Variants in LRRK2 observed in about 807,000 individuals in gnomAD.
LRRK2 encodes the protein leucine rich repeat kinase 2, also known as leucine-rich repeat serine/threonine-protein kinase 2.
Under a neutral mutation model 302.6 loss-of-function variants are expected in LRRK2, and 203 were observed. The ratio of observed to expected loss-of-function variants is 0.67; its 90% CI spans 0.60 to 0.75. LRRK2 has a LOEUF of 0.75. Among genes scored for constraint, LRRK2 ranks in the 30% least tolerant of loss-of-function variants. The pLI, the probability that LRRK2 is intolerant of heterozygous loss-of-function variation, is 0.00. For synonymous variants in LRRK2, 1,066 were observed against 1,031.9 expected, an observed-to-expected ratio of 1.03 and a Z score of -0.63; for missense variants, 2,830 against 2,951.0, an observed-to-expected ratio of 0.96 and a Z score of 0.95.
chr12:40,295,582 C>T lies in LRRK2; in HGVS notation c.3034C>T (p.His1012Tyr). 3.1e-6 allele frequency: 5 copies of T among 1,614,010 alleles called. No homozygotes were observed. Among genetic ancestry groups the T allele is most frequent in the Non-Finnish European group, 4.2e-6 (5 of 1,179,972 alleles). The change falls in exon 23 of 51, where the codon CAT (histidine) becomes TAT (tyrosine). Residue 1012 changes from histidine (H) to tyrosine (Y), a missense_variant. Transcript: ENST00000298910. Reference protein sequence around the residue: ...QKCCISVHLEHLEKLELHQNA... With the variant: ...QKCCISVHLEYLEKLELHQNA... The stretch of plus-strand genomic sequence containing the variant: ...ATGCTGTATAAGTGTTCATTTGGAG[C>T]ATCTTGAAAAGCTGGAGCTTCACCA...
At chr12:40,259,344 G>A in intron 12 of LRRK2, 136 bp from the exon 13 acceptor site, 1 of 1,059,080 alleles carries the variant, frequency 9.4e-7, no homozygotes. Context: ...TCATACTACT[G>A]ATTTCAAATG....
Position 40,364,870 on chromosome 12 carries a change from T to A in LRRK2, c.7210T>A (p.Ser2404Thr), listed in dbSNP as rs768451327. 3.1e-6 allele frequency: 5 copies of A among 1,612,008 alleles called. No homozygotes were observed. The South Asian group carries it at 5.5e-5, about 18-fold the overall frequency. The change falls in exon 49 of 51, where the codon TCA (serine) becomes ACA (threonine). Residue 2404 changes from serine (S) to threonine (T), a missense_variant. Ser to Thr is a moderately conservative substitution (Grantham distance 58). Transcript: ENST00000298910. Reference protein sequence around the residue: ...REVMVKENKESKHKMSYSGRV... With the variant: ...REVMVKENKETKHKMSYSGRV... ...GGTAATGGTAAAAGAAAACAAGGAA[T>A]CAAAACACAAAATGTCTTATTCTGG...
chr12:40,326,361 G>A (rs373531833), intron 38 of LRRK2, among the ~76,000 whole-genome samples: 1 of 151,642 alleles, frequency 6.6e-6, no homozygotes, highest in African/African-American at 2.4e-5. Context: ...AGCTACTCGG[G>A]AGGCTGAGTC....
intron 14 of LRRK2, among the ~76,000 whole-genome samples, chr12:40,268,742 T>C (rs187210421): frequency 6.1e-4 from 93 of 152,226 alleles, no homozygotes; most frequent in Admixed American, 9.2e-4. Context: ...GATAATCAAA[T>C]GTATTATACA....
intron 40 of LRRK2, 83 bp downstream of exon 40, chr12:40,335,240 T>G (rs1592305219): frequency 3.7e-6 from 5 of 1,369,368 alleles, no homozygotes; most frequent in East Asian, 2.4e-5. Context: ...CACTTCCCAG[T>G]AACACTGTGC....
chr12:40,263,998 C>T (rs1407212861), intron 14 of LRRK2, 97 bp downstream of exon 14: 15 of 839,598 alleles, frequency 1.8e-5, no homozygotes, highest in East Asian at 2.7e-5. Context: ...TTCTGTTCTC[C>T]GTTTGCTATG....
At chr12:40,329,872 G>GT (rs1159704538) in intron 39 of LRRK2, among the ~76,000 whole-genome samples, 1 of 151,950 alleles carries the variant, frequency 6.6e-6, no homozygotes, top group Non-Finnish European at 1.5e-5. Context: ...GCTTTTTGAG[G>GT]TTTTCTGATT....
chr12:40,353,346 G>T (rs1199136592), intron 44 of LRRK2, among the ~76,000 whole-genome samples: 1 of 151,090 alleles, frequency 6.6e-6, no homozygotes, highest in Non-Finnish European at 1.5e-5. Flanking sequence ...TCCCAGACAG[G>T]GTTGCGGCCG....
chr12:40,366,204 T>C (rs1183267067), intron 49 of LRRK2: 1 of 151,930 alleles, frequency 6.6e-6, no homozygotes, highest in Non-Finnish European at 1.5e-5. Flanking sequence ...TCTCAATTAC[T>C]ATGCTATATT....
At chr12:40,227,183 T>C (rs1428805021) in intron 2 of LRRK2, among the ~76,000 whole-genome samples, 1 of 152,164 alleles carries the variant, frequency 6.6e-6, no homozygotes, top group Non-Finnish European at 1.5e-5. Context: ...TAATTACTTT[T>C]TTGGATATAT....
At chr12:40,356,021 T>G in intron 45 of LRRK2, 94 bp from the exon 46 acceptor site, 1 of 743,864 alleles carries the variant, frequency 1.3e-6, no homozygotes, top group Non-Finnish European at 2.3e-6. Context: ...TTGAGAAGTC[T>G]ATCTAAAGTT....
chr12:40,293,394 A>G (rs1944239108), intron 20 of LRRK2, 151 bp from the exon 21 acceptor site: 2 of 564,234 alleles, frequency 3.5e-6, no homozygotes, highest in South Asian at 4.0e-5. Context: ...TATCATCTCT[A>G]TTTTAAAGAT....
intron 14 of LRRK2, among the ~76,000 whole-genome samples, chr12:40,272,019 GC>G (rs1169799080): frequency 5.9e-5 from 9 of 152,112 alleles, no homozygotes; most frequent in Admixed American, 2.6e-4. Context: ...ATAAAAATAA[GC>G]CTATGATGCT....
intron 5 of LRRK2, among the ~76,000 whole-genome samples, chr12:40,239,694 G>A (rs960496116): frequency 6.6e-6 from 1 of 152,048 alleles, no homozygotes; most frequent in Non-Finnish European, 1.5e-5. Context: ...GTGTACTGTG[G>A]AAACTAGACC....
At chr12:40,353,067 GGGC>G (rs1946410644) in intron 44 of LRRK2, among the ~76,000 whole-genome samples, 1 of 149,148 alleles carries the variant, frequency 6.7e-6, no homozygotes, top group Non-Finnish European at 1.5e-5. Flanking sequence ...CTCCCAGACG[GGGC>G]GGCGGCCGGG....
At chr12:40,322,651 C>G in intron 37 of LRRK2, 141 bp downstream of exon 37, 2 of 730,926 alleles carry the variant, frequency 2.7e-6, no homozygotes, top group Non-Finnish European at 4.5e-6. Context: ...GTTCAGAAAA[C>G]TGAATTATAT....
chr12:40,242,523 C>G (rs1482907785), intron 6 of LRRK2, among the ~76,000 whole-genome samples: 2 of 151,800 alleles, frequency 1.3e-5, no homozygotes, highest in African/African-American at 4.8e-5. Flanking sequence ...TTTCGTTCTC[C>G]CATCTTTTCT....
At chr12:40,337,828 A>G (rs1483261650) in intron 40 of LRRK2, among the ~76,000 whole-genome samples, 1 of 152,046 alleles carries the variant, frequency 6.6e-6, no homozygotes, top group Non-Finnish European at 1.5e-5. Context: ...CACTGCCCAC[A>G]CTGCATTCTA....
Position 40,263,913 on chromosome 12 carries a change from A to T in LRRK2, c.1656+12A>T, listed in dbSNP as rs201682413. 3.2e-6 allele frequency: 5 copies of T among 1,563,762 alleles called. No individual in the cohort carries two copies. Among genetic ancestry groups the T allele is most frequent in the Non-Finnish European group, 4.4e-6 (5 of 1,135,060 alleles). ...CAGCTTTGAACAGGGTATGTTGAAT[A>T]TAAGTTTTCTGTATTTATACTATTA... On this transcript the variant is annotated intron_variant, in intron 14 of 50. Coordinates refer to ENST00000298910, the MANE Select transcript of LRRK2 (RefSeq NM_198578.4).
Sources: gnomAD v4.1 joint callset for allele counts (sites outside exome capture counted in the v4.1 genomes callset) on GRCh38, gnomAD v4.1.1 for gene constraint, MANE v1.5 for transcripts, NCBI Gene and HGNC (gene_info 2026-07-23, HGNC 2026-07-21) for gene names.